TENM2: variants seen among roughly 807,000 people sequenced by gnomAD.
TENM2 encodes teneurin transmembrane protein 2, also known as teneurin-2.
In TENM2, 52 loss-of-function variants were observed where a neutral mutation model predicts 245.2. That is an observed-to-expected ratio of 0.21 (90% CI 0.17 to 0.27). TENM2 has a LOEUF of 0.27. TENM2 is among the 10% of genes least tolerant of loss of function. The probability of loss-of-function intolerance (pLI) is 1.00; values close to 1 mark genes in which losing one functional copy is unlikely to be tolerated. For missense variants in TENM2, 3,046 were observed against 3,666.8 expected, an observed-to-expected ratio of 0.83 and a Z score of 4.37; for synonymous variants, 1,363 against 1,438.9, an observed-to-expected ratio of 0.95 and a Z score of 1.19.
At chr5:166,987,680 C>T in the TENM2 span, among the ~76,000 whole-genome samples, 7 of 151,976 alleles carry the variant, frequency 4.6e-5, no homozygotes, top group Non-Finnish European at 5.9e-5. Context: ...ATTCTGATGC[C>T]GGTCATTTTT....
At chr5:167,817,997 T>G (rs13172478) in intron 2 of TENM2, among the ~76,000 whole-genome samples, 1 of 152,164 alleles carries the variant, frequency 6.6e-6, no homozygotes, top group African/African-American at 2.4e-5. Flanking sequence ...ATAAGAAGGA[T>G]GAAGATTCTA....
At chr5:167,191,093 G>T in the TENM2 span, among the ~76,000 whole-genome samples, 4 of 151,802 alleles carry the variant, frequency 2.6e-5, no homozygotes, top group Admixed American at 2.0e-4. Context: ...AAGAAACTTT[G>T]ATATATATTC....
intron 7 of TENM2, among the ~76,000 whole-genome samples, chr5:168,065,448 C>A (rs1790411087): frequency 6.6e-6 from 1 of 152,134 alleles, no homozygotes; most frequent in Non-Finnish European, 1.5e-5. Context: ...ACCTATGTAA[C>A]CTGCTTCACA....
chr5:167,927,565 C>T (rs1302680187), intron 3 of TENM2, among the ~76,000 whole-genome samples: 1 of 152,148 alleles, frequency 6.6e-6, no homozygotes, highest in Non-Finnish European at 1.5e-5. Context: ...CAGAAGGCTT[C>T]CTTGTGTGTG....
chr5:167,062,783 G>C, the TENM2 span, among the ~76,000 whole-genome samples: 4 of 152,174 alleles, frequency 2.6e-5, no homozygotes, highest in African/African-American at 9.7e-5. Context: ...TTGTGGTGGA[G>C]TGACTATGGG....
chr5:167,524,567 C>T (rs1026821461), intron 2 of TENM2, among the ~76,000 whole-genome samples: 3 of 151,990 alleles, frequency 2.0e-5, no homozygotes, highest in Non-Finnish European at 4.4e-5. Flanking sequence ...GATTCTGATT[C>T]CTTAGATCTG....
chr5:167,355,521 G>A (rs1220638693), intron 1 of TENM2, among the ~76,000 whole-genome samples: 2 of 152,150 alleles, frequency 1.3e-5, no homozygotes, highest in Non-Finnish European at 2.9e-5. Flanking sequence ...AATTAATGAG[G>A]CTCCTAACCC....
At chr5:168,238,176 A>G (rs1562320471) in intron 25 of TENM2, among the ~76,000 whole-genome samples, 7 of 78,056 alleles carry the variant, frequency 9.0e-5, no homozygotes, top group African/African-American at 6.3e-4. Context: ...AGAGAGAGAG[A>G]GAGAGAGAGG....
intron 2 of TENM2, among the ~76,000 whole-genome samples, chr5:167,417,470 G>A (rs1763228452): frequency 6.6e-6 from 1 of 152,116 alleles, no homozygotes; most frequent in Non-Finnish European, 1.5e-5. Flanking sequence ...GTGACATGAG[G>A]CCTTTTGCTT....
At chr5:168,062,310 C>T (rs747947605) in intron 7 of TENM2, 45 bp downstream of exon 9, 33 of 1,496,414 alleles carry the variant, frequency 2.2e-5, no homozygotes, top group South Asian at 3.4e-5. Flanking sequence ...AAAATATATA[C>T]GTATATATGT....
chr5:167,945,135 A>G (rs1401039500), intron 3 of TENM2, among the ~76,000 whole-genome samples: 1 of 152,202 alleles, frequency 6.6e-6, no homozygotes, highest in African/African-American at 2.4e-5. Context: ...TCATTCATTC[A>G]TTCATCACCA....
At chr5:167,385,517 T>TA (rs937953197) in intron 2 of TENM2, among the ~76,000 whole-genome samples, 1 of 150,150 alleles carries the variant, frequency 6.7e-6, no homozygotes, top group Non-Finnish European at 1.5e-5. Flanking sequence ...TTTTTTTTTT[T>TA]ACTTCCATAG....
At chr5:168,131,733 T>A (rs1345395429) in intron 12 of TENM2, among the ~76,000 whole-genome samples, 1 of 151,768 alleles carries the variant, frequency 6.6e-6, no homozygotes, top group African/African-American at 2.4e-5. Flanking sequence ...TTATGAAAAC[T>A]TTTTTTTTCT....
chr5:168,139,578 A>C, intron 12 of TENM2: 1 of 456,262 alleles, frequency 2.2e-6, no homozygotes, highest in South Asian at 1.5e-5. Flanking sequence ...CTGTGAGGGG[A>C]CTGGGCCTCC....
At chr5:168,048,128 A>G (rs1322928522) in intron 6 of TENM2, among the ~76,000 whole-genome samples, 1 of 151,818 alleles carries the variant, frequency 6.6e-6, no homozygotes, top group South Asian at 2.1e-4. Context: ...GAAGGGGACA[A>G]TAGAAATGTT....
At chr5:167,254,765 A>G in the TENM2 span, among the ~76,000 whole-genome samples, 2 of 152,096 alleles carry the variant, frequency 1.3e-5, no homozygotes, top group African/African-American at 2.4e-5. Context: ...GTCTTTTTGT[A>G]TAGAGGGCAA....
intron 3 of TENM2, among the ~76,000 whole-genome samples, chr5:167,948,238 T>A (rs1482047346): frequency 6.6e-6 from 1 of 152,212 alleles, no homozygotes; most frequent in East Asian, 1.9e-4. Flanking sequence ...TTGGTATCGT[T>A]ACTCAACAAA....
At chr5:168,234,634 T>C (rs1245059496) in intron 25 of TENM2, among the ~76,000 whole-genome samples, 1 of 152,208 alleles carries the variant, frequency 6.6e-6, no homozygotes, top group Non-Finnish European at 1.5e-5. Context: ...CAAGCCTTTT[T>C]TCTAGGCTTT....
At chr5:167,386,652 G>T (rs1392488536) in intron 2 of TENM2, among the ~76,000 whole-genome samples, 2 of 152,130 alleles carry the variant, frequency 1.3e-5, no homozygotes, top group Non-Finnish European at 2.9e-5. Context: ...TCAGATCTTA[G>T]ATTTAAGTCC....
Sources: gnomAD v4.1 joint callset for allele counts (sites outside exome capture counted in the v4.1 genomes callset) on GRCh38, gnomAD v4.1.1 for gene constraint, MANE v1.5 for transcripts, NCBI Gene and HGNC (gene_info 2026-07-23, HGNC 2026-07-21) for gene names.